Variants in SPHKAP observed in about 807,000 individuals in gnomAD.
The protein encoded by SPHKAP is SPHK1 interactor, AKAP domain containing, also known as A-kinase anchor protein SPHKAP.
Under a neutral mutation model 137.5 loss-of-function variants are expected in SPHKAP, and 67 were observed. The ratio of observed to expected loss-of-function variants is 0.49; its 90% confidence interval spans 0.40 to 0.60. SPHKAP has a LOEUF of 0.60. Ranked by LOEUF, SPHKAP falls within the 20% of genes least tolerant of loss-of-function variation. SPHKAP has a pLI of 0.00. For missense variants in SPHKAP, 2,097 were observed against 2,069.3 expected (o/e 1.01, Z -0.26); for synonymous variants, 813 against 785.3 (o/e 1.04, Z -0.59).
intron 3 of SPHKAP, among the ~76,000 whole-genome samples, chr2:228,049,127 C>A (rs1559146843): frequency 6.6e-6 from 1 of 152,110 alleles, no homozygotes; most frequent in Non-Finnish European, 1.5e-5. Flanking sequence ...AACAACAGTA[C>A]CTATCTCAGG....
chr2:228,155,670 G>GA (rs1700088050), intron 1 of SPHKAP, among the ~76,000 whole-genome samples: 1 of 152,162 alleles, frequency 6.6e-6, no homozygotes, highest in Non-Finnish European at 1.5e-5. Flanking sequence ...ATGCCACTGA[G>GA]AAAACTGAAT....
chr2:228,093,843 G>GGGC (rs1411401708), intron 3 of SPHKAP, among the ~76,000 whole-genome samples: 8 of 108,472 alleles, frequency 7.4e-5, no homozygotes, highest in Non-Finnish European at 1.4e-4. Flanking sequence ...CTGGGCGACA[G>GGGC]GGCAAGACTC....
chr2:228,002,390 C>T lies in SPHKAP; in HGVS notation c.4449-6696G>A. Among the ~76,000 whole-genome samples, 4 of 152,044 alleles carry T rather than the reference C, an allele frequency of 2.6e-5. No individual in the cohort carries two copies. The Middle Eastern group carries it at 0.014, about 517-fold the overall frequency. ...CTTCTTTTGAGAAGTGTCTGCTCATCTCCTTCACCCACTTTTTGATGAGGT... is the reference window on the plus strand; with the variant it reads ...CTTCTTTTGAGAAGTGTCTGCTCATTTCCTTCACCCACTTTTTGATGAGGT... On this transcript the variant is annotated intron_variant, in intron 7 of 11. Coordinates refer to ENST00000392056, the MANE Select transcript of SPHKAP (RefSeq NM_001142644.2).
intron 1 of SPHKAP, among the ~76,000 whole-genome samples, chr2:228,148,221 G>C (rs1041398581): frequency 6.6e-6 from 1 of 152,166 alleles, no homozygotes; most frequent in Non-Finnish European, 1.5e-5. Context: ...CTCTTGCTGA[G>C]AGAAGAGGGG....
At chr2:228,061,710 C>A (rs1318710871) in intron 3 of SPHKAP, among the ~76,000 whole-genome samples, 5 of 151,854 alleles carry the variant, frequency 3.3e-5, no homozygotes, top group South Asian at 4.2e-4. Flanking sequence ...GGTATTTATA[C>A]TCTGAATATC....
intron 3 of SPHKAP, among the ~76,000 whole-genome samples, chr2:228,092,674 G>A (rs984939714): frequency 2.7e-5 from 4 of 145,836 alleles, no homozygotes; most frequent in African/African-American, 5.2e-5. Context: ...ACATATACAT[G>A]TGCCATGTAT....
intron 3 of SPHKAP, among the ~76,000 whole-genome samples, chr2:228,077,443 C>T (rs1190399063): frequency 6.6e-6 from 1 of 152,206 alleles, no homozygotes; most frequent in African/African-American, 2.4e-5. Context: ...CCATAGGAAC[C>T]CACCTCTTGC....
chr2:227,994,518 G>A lies in SPHKAP; in HGVS notation c.4635-898C>T, dbSNP rs370721160. Among the ~76,000 whole-genome samples, 99 of 151,230 alleles carry A rather than the reference G, an allele frequency of 6.5e-4. 1 individual carries two copies. Among genetic ancestry groups the A allele is most frequent in the Middle Eastern group, 3.6e-3 (1 of 278 alleles). On this transcript the variant is annotated intron_variant, in intron 8 of 11. Transcript: ENST00000392056. ...GTGGTGGTGCGTCGTGTAGTGGGAC[G>A]GCTTTCTCCTGGATATACCAAGAGT...
intron 3 of SPHKAP, among the ~76,000 whole-genome samples, chr2:228,089,976 G>A (rs538657954): frequency 6.6e-5 from 10 of 152,206 alleles, no homozygotes; most frequent in Non-Finnish European, 1.5e-4. Flanking sequence ...GAAGGGAAAT[G>A]TGGGATTGAA....
intron 1 of SPHKAP, among the ~76,000 whole-genome samples, chr2:228,169,134 A>G (rs1211414382): frequency 6.6e-6 from 1 of 152,188 alleles, no homozygotes; most frequent in African/African-American, 2.4e-5. Flanking sequence ...AACTGTCTCC[A>G]TATATAGAAG....
At chr2:228,068,677 CA>C (rs1696907699) in intron 3 of SPHKAP, among the ~76,000 whole-genome samples, 1 of 152,118 alleles carries the variant, frequency 6.6e-6, no homozygotes, top group African/African-American at 2.4e-5. Context: ...TTTCTCACTA[CA>C]TACAAAAACA....
chr2:228,034,666 A>G lies in SPHKAP; in HGVS notation c.247-7123T>C, dbSNP rs111798067. 2.4e-3 allele frequency among the ~76,000 whole-genome samples: 370 copies of G among 152,360 alleles called. 1 individual carries two copies. Among genetic ancestry groups the G allele is most frequent in the African/African-American group, 8.2e-3 (342 of 41,586 alleles). The stretch of plus-strand genomic sequence containing the variant: ...GGCAAACCGAATCCAGCAGCACATC[A>G]AAAAGCTTATCCACCATGATCAAGT... On this transcript the variant is annotated intron_variant, in intron 3 of 11. Transcript: ENST00000392056.
chr2:228,061,568 G>A (rs903155741), intron 3 of SPHKAP, among the ~76,000 whole-genome samples: 2 of 151,864 alleles, frequency 1.3e-5, no homozygotes, highest in Admixed American at 6.6e-5. Flanking sequence ...CACCGCGCCC[G>A]ACCTAATTAT....
At chr2:228,050,430 G>A (rs1283289485) in intron 3 of SPHKAP, among the ~76,000 whole-genome samples, 1 of 152,070 alleles carries the variant, frequency 6.6e-6, no homozygotes, top group Non-Finnish European at 1.5e-5. Flanking sequence ...CCTACAATTT[G>A]TTCTTACCGA....
Position 228,018,264 on chromosome 2 carries a change from T to C in SPHKAP, c.2590A>G (p.Thr864Ala), listed in dbSNP as rs202072042. 4 of 1,614,200 alleles carry C rather than the reference T, an allele frequency of 2.5e-6. No individual in the cohort carries two copies. The highest frequency in any genetic ancestry group is 4.5e-5 in the East Asian group (2 of 44,864). The change falls in exon 7 of 12, where the codon ACG becomes GCG. Residue 864 changes from threonine to alanine, a missense_variant. Thr to Ala is a moderately conservative substitution (Grantham distance 58). Coordinates refer to ENST00000392056, the MANE Select transcript of SPHKAP (RefSeq NM_001142644.2). ...RASSEGQRSPTVSQSRSGSQE... is the reference protein window; with the variant it reads ...RASSEGQRSPAVSQSRSGSQE... The stretch of plus-strand genomic sequence containing the variant: ...GAACCACTTCTGGACTGGCTGACCG[T>C]TGGGGACCTTTGTCCTTCGGAAGAG...
chr2:228,104,911 T>G (rs1698293180), intron 3 of SPHKAP, among the ~76,000 whole-genome samples: 1 of 152,208 alleles, frequency 6.6e-6, no homozygotes, highest in East Asian at 1.9e-4. Context: ...TAAATTCTAG[T>G]AAACATAAAA....
intron 1 of SPHKAP, among the ~76,000 whole-genome samples, chr2:228,179,229 G>A (rs904733088): frequency 6.6e-6 from 1 of 152,124 alleles, no homozygotes; most frequent in African/African-American, 2.4e-5. Context: ...TACCAAAAAT[G>A]TTTTCAGACT....
At chr2:227,998,564 C>T (rs1453785998) in intron 7 of SPHKAP, among the ~76,000 whole-genome samples, 1 of 152,020 alleles carries the variant, frequency 6.6e-6, no homozygotes, top group East Asian at 1.9e-4. Flanking sequence ...GCCATGGTAC[C>T]CTGACTGTGG....
At chr2:228,007,757 C>T (rs1694196744) in intron 7 of SPHKAP, among the ~76,000 whole-genome samples, 1 of 152,126 alleles carries the variant, frequency 6.6e-6, no homozygotes, top group Non-Finnish European at 1.5e-5. Context: ...AAGAAACCCA[C>T]ATATCTATGA....
Sources: allele counts gnomAD v4.1 joint callset (sites outside exome capture counted in the v4.1 genomes callset), GRCh38; gene constraint gnomAD v4.1.1; transcripts MANE v1.5; gene names NCBI Gene and HGNC (gene_info 2026-07-23, HGNC 2026-07-21).